Variants in COL21A1 observed in about 807,000 individuals in gnomAD.
COL21A1 encodes collagen type XXI alpha 1 chain, also known as collagen alpha-1(XXI) chain.
In COL21A1, 149 loss-of-function variants were observed where a neutral mutation model predicts 137.9. The observed-to-expected ratio is 1.08, with a 90% CI of 0.95 to 1.24. The LOEUF is 1.24. COL21A1 is among the 50% of genes most tolerant of loss of function. COL21A1 has a pLI of 0.00. For missense variants in COL21A1, 1,167 were observed against 1,158.4 expected (o/e 1.01, Z -0.11); for synonymous variants, 456 against 391.5 (o/e 1.16, Z -1.95).
At chr6:56,379,235 C>T (rs1475614236) in intron 1 of COL21A1, among the ~76,000 whole-genome samples, 1 of 152,230 alleles carries the variant, frequency 6.6e-6, no homozygotes. Flanking sequence ...TGCAATAAGG[C>T]ACCAGGGACC....
intron 1 of COL21A1, among the ~76,000 whole-genome samples, chr6:56,234,340 A>C (rs577762030): frequency 1.3e-4 from 19 of 151,998 alleles, no homozygotes; most frequent in African/African-American, 4.6e-4. Flanking sequence ...TATAGTATGA[A>C]AAATAGAATT....
At chr6:56,356,326 G>A (rs902582464) in intron 1 of COL21A1, among the ~76,000 whole-genome samples, 2 of 152,136 alleles carry the variant, frequency 1.3e-5, no homozygotes, top group Non-Finnish European at 2.9e-5. Context: ...GATCATTCCT[G>A]GTTGGGGGCG....
chr6:56,319,601 G>T (rs145657118), intron 1 of COL21A1, among the ~76,000 whole-genome samples: 312 of 152,310 alleles, frequency 2.0e-3, no homozygotes, highest in Middle Eastern at 6.8e-3. Context: ...GCCCCCCAAA[G>T]TGTTGGCATT....
intron 1 of COL21A1, among the ~76,000 whole-genome samples, chr6:56,219,477 T>G (rs551682095): frequency 6.6e-6 from 1 of 152,228 alleles, no homozygotes; most frequent in Non-Finnish European, 1.5e-5. Context: ...GGCATTGGGC[T>G]ACAAACTTTT....
intron 1 of COL21A1, among the ~76,000 whole-genome samples, chr6:56,222,853 A>G (rs1780931352): frequency 6.6e-6 from 1 of 152,108 alleles, no homozygotes; most frequent in African/African-American, 2.4e-5. Flanking sequence ...GTTTCCAAAA[A>G]ACTGAAGCCT....
chr6:56,339,560 T>A (rs1407620681), intron 1 of COL21A1, among the ~76,000 whole-genome samples: 2 of 87,198 alleles, frequency 2.3e-5, no homozygotes, highest in Admixed American at 1.5e-4. Flanking sequence ...TACCAAATCT[T>A]TGGTTTTCTC....
chr6:56,349,231 A>G (rs1330175168), intron 1 of COL21A1, among the ~76,000 whole-genome samples: 1 of 152,186 alleles, frequency 6.6e-6, no homozygotes, highest in Non-Finnish European at 1.5e-5. Flanking sequence ...ACAACTTAAT[A>G]CTGAACAACC....
intron 10 of COL21A1, among the ~76,000 whole-genome samples, chr6:56,143,287 G>T (rs1582470543): frequency 7.0e-6 from 1 of 142,818 alleles, no homozygotes; most frequent in East Asian, 2.1e-4. Flanking sequence ...TACAAGCTCT[G>T]CCTCCTGGGT....
intron 1 of COL21A1, among the ~76,000 whole-genome samples, chr6:56,322,198 T>C (rs1335370005): frequency 6.6e-6 from 1 of 152,040 alleles, no homozygotes; most frequent in Non-Finnish European, 1.5e-5. Context: ...AGCAAATCAG[T>C]GAGATGCACT....
At chr6:56,159,859 A>G (rs2152262776) in intron 9 of COL21A1, among the ~76,000 whole-genome samples, 1 of 152,232 alleles carries the variant, frequency 6.6e-6, no homozygotes, top group Non-Finnish European at 1.5e-5. Context: ...TGTGCTTTTT[A>G]TGCTGCATAC....
chr6:56,086,087 T>C (rs1158226452), intron 17 of COL21A1, among the ~76,000 whole-genome samples: 2 of 151,778 alleles, frequency 1.3e-5, no homozygotes, highest in African/African-American at 4.8e-5. Flanking sequence ...AAATTTACGA[T>C]TATCTACTAA....
At chr6:56,276,451 T>C (rs1763656448) in intron 1 of COL21A1, 3 of 636,434 alleles carry the variant, frequency 4.7e-6, no homozygotes, top group Non-Finnish European at 8.0e-6. Flanking sequence ...AAAGTCTTTC[T>C]TTCTAATGTA....
At chr6:56,098,436 T>C (rs1322825303) in intron 17 of COL21A1, among the ~76,000 whole-genome samples, 1 of 8,188 alleles carries the variant, frequency 1.2e-4, no homozygotes, top group African/African-American at 6.8e-4. Context: ...TATAAATATA[T>C]ATAAATATAT....
At chr6:56,158,038 T>TA (rs547887778) in intron 9 of COL21A1, among the ~76,000 whole-genome samples, 12 of 152,072 alleles carry the variant, frequency 7.9e-5, no homozygotes, top group East Asian at 1.9e-4. Context: ...ACCATCCATG[T>TA]AAAAAAAACA....
chr6:56,358,826 T>C (rs1319935173), intron 1 of COL21A1, among the ~76,000 whole-genome samples: 1 of 152,196 alleles, frequency 6.6e-6, no homozygotes, highest in Admixed American at 6.5e-5. Context: ...TTAAATTGCA[T>C]GAAAATGCAC....
chr6:56,064,527 A>G (rs1766074698), intron 24 of COL21A1, 51 bp downstream of exon 24: 6 of 1,223,574 alleles, frequency 4.9e-6, no homozygotes, highest in Middle Eastern at 1.9e-4. Flanking sequence ...AGCATTGTCC[A>G]GTTATGTGAC....
Position 56,180,849 on chromosome 6 carries a change from A to G in COL21A1, c.89-720T>C, listed in dbSNP as rs536438624. ...CAAATATAGCTGTTCTTTTCTGCGC[A>G]TTCTGTTAGCCATTCCAAACTATTG... On this transcript the variant is annotated intron_variant, in intron 2 of 29. Coordinates refer to ENST00000244728, the MANE Select transcript of COL21A1 (RefSeq NM_030820.4). Among the ~76,000 whole-genome samples, 13 of 152,328 alleles carry G rather than the reference A, an allele frequency of 8.5e-5. No individual in the cohort carries two copies. In the East Asian group the frequency reaches 2.5e-3, roughly 29 times the overall value.
chr6:56,382,294 C>G (rs565443450), intron 1 of COL21A1, among the ~76,000 whole-genome samples: 2 of 152,166 alleles, frequency 1.3e-5, no homozygotes, highest in Non-Finnish European at 2.9e-5. Context: ...TGTGTAAAAA[C>G]AAAAGCACTG....
intron 1 of COL21A1, among the ~76,000 whole-genome samples, chr6:56,340,689 A>C (rs944698587): frequency 6.6e-6 from 1 of 152,158 alleles, no homozygotes; most frequent in African/African-American, 2.4e-5. Context: ...TTAATACCTT[A>C]CTGAACACCT....
Sources: gnomAD v4.1 joint callset for allele counts (sites outside exome capture counted in the v4.1 genomes callset) on GRCh38, gnomAD v4.1.1 for gene constraint, MANE v1.5 for transcripts, NCBI Gene and HGNC (gene_info 2026-07-23, HGNC 2026-07-21) for gene names.